The following AGBL4 variants were observed in gnomAD, a reference collection of about 807,000 sequenced individuals.
AGBL4 encodes the protein AGBL carboxypeptidase 4.
In AGBL4, 58 loss-of-function variants were observed where a neutral mutation model predicts 66.4. The observed-to-expected ratio is 0.87, with a 90% confidence interval of 0.71 to 1.09. AGBL4 has a LOEUF of 1.09. Among genes scored for constraint, AGBL4 ranks in the 50% least tolerant of loss-of-function variants. AGBL4 has a pLI of 0.00. For synonymous variants in AGBL4, 234 were observed against 222.9 expected, an observed-to-expected ratio of 1.05 and a Z score of -0.44; for missense variants, 579 against 631.0, an observed-to-expected ratio of 0.92 and a Z score of 0.88.
At chr1:49,001,695 A>G (rs865790145) in intron 5 of AGBL4, among the ~76,000 whole-genome samples, 16 of 152,214 alleles carry the variant, frequency 1.1e-4, no homozygotes, top group African/African-American at 3.9e-4. Flanking sequence ...TTACTATGAC[A>G]GTCTCCTCAT....
intron 1 of AGBL4, among the ~76,000 whole-genome samples, chr1:49,914,175 T>C (rs1188340473): frequency 1.3e-5 from 2 of 152,206 alleles, no homozygotes; most frequent in African/African-American, 4.8e-5. Context: ...CCAATCTGCT[T>C]CCCTTTTGAT....
rs377068858 is a variant in AGBL4 at position 48,624,950 on chromosome 1, C to G, written c.951+9543G>C. Among the ~76,000 whole-genome samples, 3 of 151,660 alleles carry G rather than the reference C, an allele frequency of 2.0e-5. No homozygotes were observed. In the East Asian group the frequency reaches 5.8e-4, roughly 29 times the overall value. On this transcript the variant is annotated intron_variant, in intron 9 of 13. Transcript: ENST00000371839. The stretch of plus-strand genomic sequence containing the variant: ...CGTGACAGTGTCTTGCTCTATTGCC[C>G]AGGCTGGAGGGCAATGGCGCGATCA...
chr1:48,572,182 C>G (rs1476890118), intron 11 of AGBL4, among the ~76,000 whole-genome samples: 1 of 152,040 alleles, frequency 6.6e-6, no homozygotes, highest in Non-Finnish European at 1.5e-5. Flanking sequence ...AGCCCCTGCC[C>G]AGGTCAGAGG....
At chr1:49,596,241 C>G (rs947372925) in intron 3 of AGBL4, among the ~76,000 whole-genome samples, 1 of 152,188 alleles carries the variant, frequency 6.6e-6, no homozygotes, top group African/African-American at 2.4e-5. Flanking sequence ...AATCTCGGCT[C>G]ACTGCAACCT....
intron 2 of AGBL4, among the ~76,000 whole-genome samples, chr1:49,719,750 G>C (rs568690705): frequency 6.6e-6 from 1 of 152,042 alleles, no homozygotes; most frequent in African/African-American, 2.4e-5. Flanking sequence ...CTATGGGAGG[G>C]ATCTGGTGGG....
chr1:48,915,565 G>A (rs1319375641), intron 5 of AGBL4, among the ~76,000 whole-genome samples: 1 of 152,172 alleles, frequency 6.6e-6, no homozygotes, highest in African/African-American at 2.4e-5. Flanking sequence ...ACTTGTTAGT[G>A]CTCAATAAAC....
At chr1:49,717,084 T>C (rs1473084175) in intron 2 of AGBL4, among the ~76,000 whole-genome samples, 2 of 152,036 alleles carry the variant, frequency 1.3e-5, no homozygotes, top group Non-Finnish European at 2.9e-5. Flanking sequence ...CAAAATCTCA[T>C]GATACAAAAT....
intron 5 of AGBL4, among the ~76,000 whole-genome samples, chr1:48,894,371 A>G (rs1651295757): frequency 6.6e-6 from 1 of 152,238 alleles, no homozygotes; most frequent in Admixed American, 6.5e-5. Flanking sequence ...CACACAGTTA[A>G]TAATGTTAAG....
intron 2 of AGBL4, among the ~76,000 whole-genome samples, chr1:49,728,563 C>G (rs1033428113): frequency 7.9e-5 from 12 of 152,222 alleles, no homozygotes; most frequent in African/African-American, 2.9e-4. Flanking sequence ...ATACAGGAAA[C>G]AAGTTTGTAA....
chr1:49,331,737 C>T (rs2148491950), intron 3 of AGBL4, among the ~76,000 whole-genome samples: 1 of 152,094 alleles, frequency 6.6e-6, no homozygotes, highest in South Asian at 2.1e-4. Flanking sequence ...CTGCAGACTT[C>T]AGAGAGCCTA....
At chr1:49,374,951 C>A (rs1427300697) in intron 3 of AGBL4, among the ~76,000 whole-genome samples, 1 of 152,104 alleles carries the variant, frequency 6.6e-6, no homozygotes, top group Non-Finnish European at 1.5e-5. Context: ...ATGGCAAAGG[C>A]AATTCTATTT....
intron 6 of AGBL4, among the ~76,000 whole-genome samples, chr1:48,852,621 GA>G (rs1647058698): frequency 6.6e-6 from 1 of 152,176 alleles, no homozygotes; most frequent in Non-Finnish European, 1.5e-5. Flanking sequence ...CCAGCAAATA[GA>G]AAATGTTTCA....
At chr1:48,786,418 G>A (rs868026053) in intron 6 of AGBL4, among the ~76,000 whole-genome samples, 1 of 152,178 alleles carries the variant, frequency 6.6e-6, no homozygotes, top group Non-Finnish European at 1.5e-5. Context: ...TGTGATGGCT[G>A]TTTTGATATA....
At chr1:49,398,425 C>A (rs543516580) in intron 3 of AGBL4, among the ~76,000 whole-genome samples, 2 of 152,090 alleles carry the variant, frequency 1.3e-5, no homozygotes, top group East Asian at 3.9e-4. Flanking sequence ...AGCCCACCTC[C>A]CCACAGGTTC....
chr1:49,851,701 T>C (rs1314560056), intron 1 of AGBL4, among the ~76,000 whole-genome samples, 183 bp from the exon 2 acceptor site: 1 of 152,064 alleles, frequency 6.6e-6, no homozygotes, highest in Non-Finnish European at 1.5e-5. Context: ...TAGGGTCAAA[T>C]TTCAACTCAA....
chr1:49,125,187 C>T (rs1031911981), intron 4 of AGBL4, among the ~76,000 whole-genome samples: 1 of 151,988 alleles, frequency 6.6e-6, no homozygotes, highest in African/African-American at 2.4e-5. Context: ...GGTGCATTTT[C>T]TGGAAAACAC....
chr1:49,282,143 G>A (rs1644286848), intron 3 of AGBL4, among the ~76,000 whole-genome samples: 1 of 152,174 alleles, frequency 6.6e-6, no homozygotes, highest in South Asian at 2.1e-4. Context: ...CTTGGTGTGT[G>A]TGAGAAAATC....
At chr1:49,217,041 A>T (rs1649150697) in intron 4 of AGBL4, among the ~76,000 whole-genome samples, 1 of 152,118 alleles carries the variant, frequency 6.6e-6, no homozygotes, top group Admixed American at 6.6e-5. Flanking sequence ...TAACATGCTT[A>T]TGTAGAAGTC....
chr1:48,856,089 T>G (rs1570842905), intron 6 of AGBL4, among the ~76,000 whole-genome samples: 1 of 152,246 alleles, frequency 6.6e-6, no homozygotes, highest in East Asian at 1.9e-4. Flanking sequence ...AGCAAAGAAG[T>G]AAATGTGCTA....
Sources: gnomAD v4.1 joint callset for allele counts (sites outside exome capture counted in the v4.1 genomes callset) on GRCh38, gnomAD v4.1.1 for gene constraint, MANE v1.5 for transcripts, NCBI Gene and HGNC (gene_info 2026-07-23, HGNC 2026-07-21) for gene names.